RABGAP1L: variants seen among roughly 807,000 people sequenced by gnomAD.
The protein encoded by RABGAP1L is rab GTPase-activating protein 1-like.
RABGAP1L carries 63 observed loss-of-function variants against 137.7 expected under a neutral mutation model. The observed-to-expected ratio is 0.46, with a 90% confidence interval of 0.37 to 0.56. The LOEUF (loss-of-function observed/expected upper bound fraction) is 0.56. RABGAP1L is among the 20% of genes least tolerant of loss of function. The probability of loss-of-function intolerance (pLI) is 0.00; values close to 1 mark genes in which losing one functional copy is unlikely to be tolerated. For synonymous variants in RABGAP1L, 431 were observed against 433.7 expected (o/e 0.99, Z 0.08); for missense variants, 1,095 against 1,244.0 (o/e 0.88, Z 1.80).
intron 17 of RABGAP1L, among the ~76,000 whole-genome samples, chr1:174,719,145 A>G (rs1046141465): frequency 6.6e-6 from 1 of 152,030 alleles, no homozygotes; most frequent in Non-Finnish European, 1.5e-5. Context: ...GGCCTATAGT[A>G]TGGTAGGTTT....
At chr1:174,300,315 C>T (rs942611935) in intron 10 of RABGAP1L, among the ~76,000 whole-genome samples, 2 of 151,500 alleles carry the variant, frequency 1.3e-5, no homozygotes, top group East Asian at 2.0e-4. Flanking sequence ...CTCCTGAGGT[C>T]GGGAGTTTGA....
chr1:174,693,447 A>C (rs1679018934), intron 15 of RABGAP1L, among the ~76,000 whole-genome samples: 2 of 152,148 alleles, frequency 1.3e-5, no homozygotes, highest in Non-Finnish European at 2.9e-5. Flanking sequence ...AAGTACTCAA[A>C]ATTCATCACT....
chr1:174,617,317 C>T (rs1298075109), intron 13 of RABGAP1L, among the ~76,000 whole-genome samples: 3 of 152,024 alleles, frequency 2.0e-5, no homozygotes, highest in Non-Finnish European at 2.9e-5. Context: ...AGCAACTGAC[C>T]CTCTCGAATA....
chr1:174,559,369 G>A (rs1275579751), intron 13 of RABGAP1L, among the ~76,000 whole-genome samples: 1 of 152,128 alleles, frequency 6.6e-6, no homozygotes, highest in Non-Finnish European at 1.5e-5. Flanking sequence ...AAAAAGAAGA[G>A]TGCATAGGGA....
intron 13 of RABGAP1L, among the ~76,000 whole-genome samples, chr1:174,613,685 G>T (rs576641643): frequency 2.7e-4 from 41 of 152,174 alleles, no homozygotes; most frequent in Non-Finnish European, 4.9e-4. Flanking sequence ...TTATTGTGTG[G>T]GAGTCTAAGT....
chr1:174,639,918 A>G (rs1460506015), intron 14 of RABGAP1L, among the ~76,000 whole-genome samples: 1 of 152,208 alleles, frequency 6.6e-6, no homozygotes, highest in African/African-American at 2.4e-5. Context: ...TATACATTTT[A>G]CAACATGACT....
chr1:174,666,556 T>A (rs1220005190), intron 14 of RABGAP1L, among the ~76,000 whole-genome samples: 1 of 152,224 alleles, frequency 6.6e-6, no homozygotes, highest in Non-Finnish European at 1.5e-5. Flanking sequence ...TAAATGGGAA[T>A]ATTTTAGAAG....
rs774854006 is a variant in RABGAP1L at position 174,637,362 on chromosome 1, C to A, written c.1711-13C>A. The A allele has an allele frequency of 3.8e-6, 6 of 1,565,658 alleles. No homozygotes were observed. The East Asian group carries it at 9.0e-5, about 23-fold the overall frequency. On this transcript the variant is annotated splice_polypyrimidine_tract_variant and intron_variant, in intron 13 of 25. Coordinates refer to ENST00000681986, the MANE Select transcript of RABGAP1L (RefSeq NM_001366446.1). The stretch of plus-strand genomic sequence containing the variant: ...AAAATTTAATAACCAGGTCTATTTT[C>A]TTTCTTTTTTAGGACTCAGCCCAGG...
chr1:174,496,064 C>T (rs971346460), intron 13 of RABGAP1L, among the ~76,000 whole-genome samples: 3 of 151,974 alleles, frequency 2.0e-5, no homozygotes, highest in African/African-American at 7.3e-5. Context: ...TTTTCTATGT[C>T]AAACTGTAGA....
At chr1:174,682,602 C>G (rs1246305725) in intron 14 of RABGAP1L, among the ~76,000 whole-genome samples, 1 of 152,178 alleles carries the variant, frequency 6.6e-6, no homozygotes, top group Admixed American at 6.5e-5. Flanking sequence ...GATCTGCACA[C>G]TCTACCTACT....
intron 17 of RABGAP1L, among the ~76,000 whole-genome samples, chr1:174,739,031 T>C (rs1683176787): frequency 6.6e-6 from 1 of 152,208 alleles, no homozygotes. Context: ...CATCTCCTCC[T>C]CACTATGGCA....
chr1:174,500,630 A>T (rs1041574907), intron 13 of RABGAP1L, among the ~76,000 whole-genome samples: 1 of 152,332 alleles, frequency 6.6e-6, no homozygotes, highest in Non-Finnish European at 1.5e-5. Flanking sequence ...AATACAGTTA[A>T]ACGAAAACAA....
At chr1:174,320,169 A>G (rs1028210553) in intron 11 of RABGAP1L, among the ~76,000 whole-genome samples, 4 of 152,184 alleles carry the variant, frequency 2.6e-5, no homozygotes, top group Non-Finnish European at 5.9e-5. Flanking sequence ...ATACATCCAC[A>G]TAATCACCAC....
intron 10 of RABGAP1L, among the ~76,000 whole-genome samples, chr1:174,284,913 G>A (rs1336114020): frequency 6.6e-6 from 1 of 151,538 alleles, no homozygotes; most frequent in African/African-American, 2.4e-5. Flanking sequence ...AGATTTCTTT[G>A]GATAGTATGG....
intron 19 of RABGAP1L, among the ~76,000 whole-genome samples, chr1:174,946,277 T>G (rs1666748875): frequency 6.6e-6 from 1 of 152,172 alleles, no homozygotes; most frequent in South Asian, 2.1e-4. Flanking sequence ...GTTGGCTAGA[T>G]GACAGGCAAT....
At chr1:174,712,232 A>C (rs1257913629) in intron 17 of RABGAP1L, among the ~76,000 whole-genome samples, 1 of 152,158 alleles carries the variant, frequency 6.6e-6, no homozygotes, top group Non-Finnish European at 1.5e-5. Flanking sequence ...AGGCTGCCCG[A>C]GCAGTCACCT....
chr1:174,364,421 A>G (rs899976483), intron 11 of RABGAP1L, among the ~76,000 whole-genome samples: 9 of 148,692 alleles, frequency 6.1e-5, no homozygotes, highest in Non-Finnish European at 1.2e-4. Flanking sequence ...CGCCCGGCTA[A>G]TTTTTTGTAT....
chr1:174,369,504 C>G (rs1189405301), intron 11 of RABGAP1L, among the ~76,000 whole-genome samples: 2 of 152,068 alleles, frequency 1.3e-5, no homozygotes, highest in African/African-American at 4.8e-5. Flanking sequence ...TTTAATAGTC[C>G]TCTTTCACTA....
intron 1 of RABGAP1L, among the ~76,000 whole-genome samples, chr1:174,217,939 ATAATGAAAAGGTAACC>A (rs1238970401): frequency 6.6e-6 from 1 of 152,166 alleles, no homozygotes; most frequent in East Asian, 1.9e-4. Flanking sequence ...CTTATAGGCT[ATAATGAAAAGGTAACC>A]TAATTAGAAA....
Sources: gnomAD v4.1 joint callset for allele counts (sites outside exome capture counted in the v4.1 genomes callset) on GRCh38, gnomAD v4.1.1 for gene constraint, MANE v1.5 for transcripts, NCBI Gene and HGNC (gene_info 2026-07-23, HGNC 2026-07-21) for gene names.